POU2F1: variants seen among roughly 807,000 people sequenced by gnomAD.
POU2F1 encodes POU class 2 homeobox 1.
A neutral mutation model predicts 84.9 loss-of-function variants in POU2F1; 16 were observed. The ratio of observed to expected loss-of-function variants is 0.19; its 90% CI spans 0.13 to 0.29. The LOEUF (loss-of-function observed/expected upper bound fraction) is 0.29. Among genes scored for constraint, POU2F1 ranks in the 10% least tolerant of loss-of-function variants. The probability of loss-of-function intolerance (pLI) is 1.00; values close to 1 mark genes in which losing one functional copy is unlikely to be tolerated. For synonymous variants in POU2F1, 368 were observed against 368.3 expected, an observed-to-expected ratio of 1.00 and a Z score of 0.01; for missense variants, 738 against 942.6, an observed-to-expected ratio of 0.78 and a Z score of 2.84.
intron 6 of POU2F1, 70 bp downstream of exon 6, chr1:167,374,366 A>G (rs949075260): frequency 2.2e-5 from 32 of 1,433,546 alleles, no homozygotes; most frequent in Non-Finnish European, 2.7e-5. Context: ...TTAATGTTAG[A>G]TTAACTTTTT....
At chr1:167,358,130 T>TC in intron 2 of POU2F1, among the ~76,000 whole-genome samples, 1 of 143,492 alleles carries the variant, frequency 7.0e-6, no homozygotes, top group East Asian at 2.0e-4. Flanking sequence ...TTCTTTTTTT[T>TC]TTTTTTTTTT....
intron 1 of POU2F1, among the ~76,000 whole-genome samples, chr1:167,288,309 C>T (rs1435245281): frequency 6.6e-6 from 1 of 152,162 alleles, no homozygotes; most frequent in East Asian, 1.9e-4. Flanking sequence ...TCCATTGTGA[C>T]AGACAGTGGA....
intron 2 of POU2F1, among the ~76,000 whole-genome samples, chr1:167,341,075 C>T (rs1037293972): frequency 6.6e-6 from 1 of 152,084 alleles, no homozygotes. Flanking sequence ...GAAATCTGTC[C>T]TAAATGTCTC....
intron 1 of POU2F1, among the ~76,000 whole-genome samples, chr1:167,318,794 C>T (rs1033597149): frequency 6.6e-6 from 1 of 152,160 alleles, no homozygotes; most frequent in Non-Finnish European, 1.5e-5. Flanking sequence ...ATCTGTAGCA[C>T]TGAGCATCCA....
intron 7 of POU2F1, among the ~76,000 whole-genome samples, chr1:167,378,353 G>T (rs565823824): frequency 4.7e-5 from 7 of 149,790 alleles, no homozygotes; most frequent in Admixed American, 2.0e-4. Context: ...CTCCTGCCTC[G>T]GCCTCCCAAG....
chr1:167,378,644 G>T (rs562040951), intron 7 of POU2F1, among the ~76,000 whole-genome samples: 2 of 151,642 alleles, frequency 1.3e-5, no homozygotes, highest in African/African-American at 4.8e-5. Context: ...GATCTCGGGT[G>T]ATCCGCCCAC....
intron 3 of POU2F1, among the ~76,000 whole-genome samples, chr1:167,366,646 A>G (rs1280741952): frequency 6.6e-6 from 1 of 152,220 alleles, no homozygotes; most frequent in Non-Finnish European, 1.5e-5. Flanking sequence ...GCTCAGGCAC[A>G]TAGCTTCGTT....
chr1:167,381,412 C>T (rs924580215), intron 7 of POU2F1, among the ~76,000 whole-genome samples: 2 of 151,756 alleles, frequency 1.3e-5, no homozygotes, highest in Admixed American at 1.3e-4. Context: ...AGTTCTAAAC[C>T]TCTATGGGCC....
At chr1:167,345,065 G>C (rs1343215319) in intron 2 of POU2F1, among the ~76,000 whole-genome samples, 2 of 152,182 alleles carry the variant, frequency 1.3e-5, no homozygotes, top group Non-Finnish European at 2.9e-5. Flanking sequence ...GTGAGGGTGA[G>C]GGGAGGGAAC....
chr1:167,233,106 C>T (rs547255717), intron 1 of POU2F1, among the ~76,000 whole-genome samples: 144 of 150,556 alleles, frequency 9.6e-4, no homozygotes, highest in African/African-American at 3.5e-3. Context: ...TTTAACTATA[C>T]TTTTTCTGTG....
At chr1:167,221,014 GC>G (rs574529629) in intron 1 of POU2F1, 56 bp downstream of exon 1, 759 of 1,315,186 alleles carry the variant, frequency 5.8e-4, no homozygotes, top group African/African-American at 2.0e-3. Context: ...GGCTCCCGCT[GC>G]CCCCCCCCGC....
At position 167,358,737 on chromosome 1, in the gene POU2F1, T is replaced by TTTTTG. The variant is rs71097670; in HGVS notation, c.128-6730_128-6729insTTTTG. Among the ~76,000 whole-genome samples the TTTTTG allele has an allele frequency of 2.3e-4, 20 of 88,766 alleles. 1 individual carries two copies. The highest frequency in any genetic ancestry group is 2.5e-4 in the Non-Finnish European group (11 of 44,894). The allele number at this position is 88,766 out of a possible 152,430, so 58.2% of individuals were successfully genotyped here. A position where few individuals can be genotyped will look rare whatever the true frequency, so the allele number is the denominator to read the frequency against. ...GCAGCTTTTTTTTTTTTTTTTTTTTTGAGACAGGTTCTGACTGTGCTGCTC... is the reference window on the plus strand; with the variant it reads ...GCAGCTTTTTTTTTTTTTTTTTTTTTTTTTGGAGACAGGTTCTGACTGTGCTGCTC... On this transcript the variant is annotated intron_variant, in intron 2 of 15. Coordinates refer to ENST00000367866, the MANE Select transcript of POU2F1 (RefSeq NM_002697.4).
chr1:167,262,534 A>G (rs936380076), intron 1 of POU2F1, among the ~76,000 whole-genome samples: 1 of 152,198 alleles, frequency 6.6e-6, no homozygotes, highest in Admixed American at 6.5e-5. Context: ...AGTTATAAAT[A>G]TAGTTGCTTG....
chr1:167,318,151 T>A (rs1656050348), intron 1 of POU2F1, among the ~76,000 whole-genome samples: 1 of 152,184 alleles, frequency 6.6e-6, no homozygotes, highest in Admixed American at 6.5e-5. Context: ...GTTTGTAGAG[T>A]GTCCTTCTAG....
intron 1 of POU2F1, among the ~76,000 whole-genome samples, chr1:167,306,090 G>C (rs1249522496): frequency 1.3e-5 from 2 of 152,154 alleles, no homozygotes; most frequent in African/African-American, 4.8e-5. Context: ...TTCTTCATCT[G>C]CTTTTGGCAG....
chr1:167,422,398 C>G lies in POU2F1; in HGVS notation c.*6588C>G, dbSNP rs1303431534. 6.6e-6 allele frequency: 1 copy of G among 152,224 alleles called. No individual in the cohort carries two copies. Among genetic ancestry groups the G allele is most frequent in the Non-Finnish European group, 1.5e-5 (1 of 68,044 alleles). 9.4% of individuals were successfully genotyped at this position (152,224 alleles called of 1,614,324 possible). On this transcript the variant is annotated 3_prime_UTR_variant, in exon 16 of 16. Coordinates refer to ENST00000367866, the MANE Select transcript of POU2F1 (RefSeq NM_002697.4). ...TGAATGTTGTGCTAATAACACAACA[C>G]TTTAAAACCTTACTTACTTTTCTCA...
At chr1:167,272,243 A>G (rs1368724524) in intron 1 of POU2F1, among the ~76,000 whole-genome samples, 2 of 151,646 alleles carry the variant, frequency 1.3e-5, no homozygotes, top group African/African-American at 4.8e-5. Flanking sequence ...TCAGGAATAA[A>G]TGCTTTTTTT....
At chr1:167,313,415 A>G (rs902373205) in intron 1 of POU2F1, among the ~76,000 whole-genome samples, 1 of 152,218 alleles carries the variant, frequency 6.6e-6, no homozygotes, top group Admixed American at 6.5e-5. Flanking sequence ...AGTTACCCCA[A>G]TTTCAAGACT....
intron 1 of POU2F1, among the ~76,000 whole-genome samples, chr1:167,246,509 A>C (rs1650332292): frequency 6.6e-6 from 1 of 152,168 alleles, no homozygotes; most frequent in Non-Finnish European, 1.5e-5. Context: ...TTATTATAAA[A>C]TTTTTTAGTG....
Sources: allele counts gnomAD v4.1 joint callset (sites outside exome capture counted in the v4.1 genomes callset), GRCh38; gene constraint gnomAD v4.1.1; transcripts MANE v1.5; gene names NCBI Gene and HGNC (gene_info 2026-07-23, HGNC 2026-07-21).